The following MAML3 variants were observed in gnomAD, a reference collection of about 807,000 sequenced individuals.
MAML3 encodes mastermind-like protein 3.
In MAML3, 27 loss-of-function variants were observed where a neutral mutation model predicts 101.9. The observed-to-expected ratio is 0.27, with a 90% CI of 0.20 to 0.37. MAML3 has a LOEUF of 0.37. Among genes scored for constraint, MAML3 ranks in the 10% least tolerant of loss-of-function variants. MAML3 has a pLI of 1.00. For synonymous variants in MAML3, 501 were observed against 555.9 expected (o/e 0.90, Z 1.39); for missense variants, 1,316 against 1,444.9 (o/e 0.91, Z 1.45).
Position 140,048,543 on chromosome 4 carries a change from TG to T in MAML3, c.468+104316del, listed in dbSNP as rs553665016. On this transcript the variant is annotated intron_variant, in intron 1 of 4. Transcript: ENST00000509479. Reference sequence around the variant, plus strand: ...TGGAAAACTTAACTGGAATCTGTTTTGTCCTAAGGTCAGATCTACAAAGCCA... The same window carrying T: ...TGGAAAACTTAACTGGAATCTGTTTTTCCTAAGGTCAGATCTACAAAGCCA... Among the ~76,000 whole-genome samples, 511 of 152,288 alleles carry T rather than the reference TG, an allele frequency of 3.4e-3. 1 individual carries two copies. Among genetic ancestry groups the T allele is most frequent in the Non-Finnish European group, 5.7e-3 (391 of 68,018 alleles).
chr4:139,914,487 T>C (rs780224441), intron 1 of MAML3, among the ~76,000 whole-genome samples: 11 of 152,034 alleles, frequency 7.2e-5, no homozygotes, highest in Non-Finnish European at 1.5e-4. Flanking sequence ...AAGCGCCATA[T>C]TGTGGGGAGG....
chr4:139,877,312 A>G (rs540271707), intron 2 of MAML3, among the ~76,000 whole-genome samples: 11 of 152,038 alleles, frequency 7.2e-5, no homozygotes, highest in African/African-American at 2.7e-4. Context: ...ATAATAGAGT[A>G]TCTTTGTATA....
rs71606854 is a variant in MAML3 at position 139,733,689 on chromosome 4, A to G, written c.2080-3022T>C. ...CAGGAAGGGCTGTATGTATTATTTT[A>G]TGATTATTTTTTAGAGACAGGGTTT... On this transcript the variant is annotated intron_variant, in intron 2 of 4. Coordinates refer to ENST00000509479, the MANE Select transcript of MAML3 (RefSeq NM_018717.5). 9.5e-3 allele frequency among the ~76,000 whole-genome samples: 1,441 copies of G among 151,856 alleles called. 12 individuals are homozygous for G. Among genetic ancestry groups the G allele is most frequent in the Non-Finnish European group, 0.016 (1,085 of 67,972 alleles).
chr4:140,091,537 C>CAAAAAAAAAAAAAAAAAAAAAAAA (rs570700966), intron 1 of MAML3, among the ~76,000 whole-genome samples: 1 of 71,596 alleles, frequency 1.4e-5, no homozygotes, highest in East Asian at 5.8e-4. Context: ...AACAACAAAA[C>CAAAAAAAAAAAAAAAAAAAAAAAA]AAAAACAAAA....
intron 1 of MAML3, among the ~76,000 whole-genome samples, chr4:139,995,237 T>C (rs1342239336): frequency 6.6e-6 from 1 of 152,262 alleles, no homozygotes; most frequent in East Asian, 1.9e-4. Context: ...TTTACATTAA[T>C]GGGATAAATC....
intron 1 of MAML3, among the ~76,000 whole-genome samples, chr4:140,046,033 A>G (rs1727177611): frequency 6.6e-6 from 1 of 152,238 alleles, no homozygotes; most frequent in Non-Finnish European, 1.5e-5. Flanking sequence ...AATGCCCTCT[A>G]AAAACCCTGA....
chr4:139,973,068 C>A lies in MAML3; in HGVS notation c.469-82101G>T, dbSNP rs72712554. ...TCTTGGATTTGTGACCACTGATATTCAGCTGTTGGATGACTACTTAGAGTA... is the reference window on the plus strand; with the variant it reads ...TCTTGGATTTGTGACCACTGATATTAAGCTGTTGGATGACTACTTAGAGTA... On this transcript the variant is annotated intron_variant, in intron 1 of 4. Coordinates refer to ENST00000509479, the MANE Select transcript of MAML3 (RefSeq NM_018717.5). Among the ~76,000 whole-genome samples, 781 of 152,250 alleles carry A rather than the reference C, an allele frequency of 5.1e-3. 7 individuals are homozygous for A. The highest frequency in any genetic ancestry group is 0.024 in the South Asian group (118 of 4,822).
chr4:139,879,145 C>A (rs1732170102), intron 2 of MAML3, among the ~76,000 whole-genome samples: 1 of 152,200 alleles, frequency 6.6e-6, no homozygotes. Context: ...GCTGCTTGAA[C>A]TGCAGTCTCA....
chr4:139,725,945 T>C, intron 3 of MAML3, 110 bp from the exon 4 acceptor site: 3 of 869,808 alleles, frequency 3.4e-6, no homozygotes, highest in South Asian at 3.1e-5. Context: ...AACTAAACTT[T>C]GTGTTGAAGA....
At chr4:140,142,946 A>G (rs996434536) in intron 1 of MAML3, among the ~76,000 whole-genome samples, 11 of 152,168 alleles carry the variant, frequency 7.2e-5, no homozygotes, top group Non-Finnish European at 1.3e-4. Context: ...ATTTTTAACA[A>G]CTATACCATA....
intron 1 of MAML3, among the ~76,000 whole-genome samples, chr4:140,133,659 C>T (rs557876559): frequency 2.6e-5 from 4 of 152,188 alleles, no homozygotes; most frequent in Admixed American, 6.5e-5. Context: ...TGTAAAACAA[C>T]GTAGCTACAT....
chr4:139,718,976 A>G lies in MAML3; in HGVS notation c.*347T>C. 1 of 235,716 alleles carries G rather than the reference A, an allele frequency of 4.2e-6. No individual in the cohort carries two copies. The highest frequency in any genetic ancestry group is 8.3e-6 in the Non-Finnish European group (1 of 120,692). The allele number at this position is 235,716 out of a possible 1,614,324, so 14.6% of individuals were successfully genotyped here. A position where few individuals can be genotyped will look rare whatever the true frequency, so the allele number is the denominator to read the frequency against. On this transcript the variant is annotated 3_prime_UTR_variant, in exon 5 of 5. Transcript: ENST00000509479. The stretch of plus-strand genomic sequence containing the variant: ...GCTGAGGATACCTCTCTTGGGTAAT[A>G]GTCCCTCTCGGCTGAAGCAGCTCCT...
chr4:139,881,492 A>G (rs1372443631), intron 2 of MAML3, among the ~76,000 whole-genome samples: 1 of 152,174 alleles, frequency 6.6e-6, no homozygotes, highest in East Asian at 1.9e-4. Context: ...ACCCAGTGAA[A>G]TGGGCAGGTT....
chr4:139,753,953 G>A (rs1560783901), intron 2 of MAML3, among the ~76,000 whole-genome samples: 1 of 152,220 alleles, frequency 6.6e-6, no homozygotes, highest in Non-Finnish European at 1.5e-5. Context: ...GACTGGGGTG[G>A]AGGGAGGGGT....
intron 1 of MAML3, among the ~76,000 whole-genome samples, chr4:139,953,970 C>T (rs1351436159): frequency 6.6e-6 from 1 of 152,214 alleles, no homozygotes; most frequent in Admixed American, 6.5e-5. Context: ...GTCAACCACA[C>T]ACCTTCATAA....
At chr4:139,723,065 C>G (rs1728301998) in intron 4 of MAML3, among the ~76,000 whole-genome samples, 1 of 152,222 alleles carries the variant, frequency 6.6e-6, no homozygotes, top group South Asian at 2.1e-4. Context: ...TCTCTCACCT[C>G]CAAAGAAAAT....
intron 2 of MAML3, among the ~76,000 whole-genome samples, chr4:139,822,406 T>G (rs1417896207): frequency 1.3e-5 from 2 of 152,160 alleles, no homozygotes; most frequent in African/African-American, 4.8e-5. Context: ...GGGTAAGTTC[T>G]GGGTATCAGG....
intron 2 of MAML3, among the ~76,000 whole-genome samples, chr4:139,746,678 T>C (rs940838637): frequency 2.0e-5 from 3 of 152,216 alleles, no homozygotes; most frequent in Non-Finnish European, 4.4e-5. Context: ...CGTTTGACAC[T>C]GGACCTCCGC....
At chr4:140,000,743 C>T (rs1306482015) in intron 1 of MAML3, among the ~76,000 whole-genome samples, 1 of 152,140 alleles carries the variant, frequency 6.6e-6, no homozygotes, top group Non-Finnish European at 1.5e-5. Flanking sequence ...AAGATTTGGC[C>T]TTGGCTGGGT....
Sources: gnomAD v4.1 joint callset for allele counts (sites outside exome capture counted in the v4.1 genomes callset) on GRCh38, gnomAD v4.1.1 for gene constraint, MANE v1.5 for transcripts, NCBI Gene and HGNC (gene_info 2026-07-23, HGNC 2026-07-21) for gene names.